Variants in TMEM132D observed in about 807,000 individuals in gnomAD.
TMEM132D encodes transmembrane protein 132D.
In TMEM132D, 21 loss-of-function variants were observed where a neutral mutation model predicts 62.3. The observed-to-expected ratio is 0.34, with a 90% CI of 0.24 to 0.49. The LOEUF is 0.49. Ranked by LOEUF, TMEM132D falls within the 20% of genes least tolerant of loss-of-function variation. The probability of loss-of-function intolerance (pLI) is 0.99; values close to 1 mark genes in which losing one functional copy is unlikely to be tolerated. For missense variants in TMEM132D, 1,346 were observed against 1,402.8 expected (o/e 0.96, Z 0.65); for synonymous variants, 621 against 575.6 (o/e 1.08, Z -1.13).
chr12:129,581,827 G>C (rs1565911535), intron 2 of TMEM132D, among the ~76,000 whole-genome samples: 1 of 152,128 alleles, frequency 6.6e-6, no homozygotes, highest in Admixed American at 6.5e-5. Context: ...AATGACGTTG[G>C]CAATATTAAC....
chr12:129,436,153 G>A (rs769915512), intron 3 of TMEM132D, among the ~76,000 whole-genome samples: 2 of 152,168 alleles, frequency 1.3e-5, no homozygotes, highest in Non-Finnish European at 2.9e-5. Flanking sequence ...AAATCTGGCA[G>A]AGGAAAAAGC....
chr12:129,560,204 C>T (rs1877176292), intron 2 of TMEM132D, among the ~76,000 whole-genome samples: 1 of 152,030 alleles, frequency 6.6e-6, no homozygotes. Context: ...AAACACTTAA[C>T]ATTCAACATG....
chr12:129,209,793 G>T, intron 4 of TMEM132D, 130 bp from the exon 5 acceptor site: 2 of 1,344,388 alleles, frequency 1.5e-6, no homozygotes, highest in Non-Finnish European at 2.0e-6. Flanking sequence ...CAGAAATCCT[G>T]GCAGTCCGCA....
intron 1 of TMEM132D, among the ~76,000 whole-genome samples, chr12:129,749,337 C>A (rs1301374873): frequency 1.3e-5 from 2 of 152,170 alleles, no homozygotes; most frequent in Non-Finnish European, 2.9e-5. Context: ...CACACACACA[C>A]GTGCACAGAG....
At chr12:129,081,610 A>G (rs1179118731) in intron 7 of TMEM132D, 149 bp downstream of exon 7, 11 of 1,222,426 alleles carry the variant, frequency 9.0e-6, no homozygotes, top group East Asian at 2.5e-5. Flanking sequence ...AATCGCTTGT[A>G]TTGCTTACTC....
chr12:129,245,185 C>A (rs1880061814), intron 4 of TMEM132D, among the ~76,000 whole-genome samples: 1 of 152,154 alleles, frequency 6.6e-6, no homozygotes, highest in Non-Finnish European at 1.5e-5. Context: ...AGTCTCACTG[C>A]CGTAAAAATT....
chr12:129,589,288 G>A (rs985501399), intron 2 of TMEM132D, among the ~76,000 whole-genome samples: 9 of 152,156 alleles, frequency 5.9e-5, no homozygotes, highest in Non-Finnish European at 1.3e-4. Context: ...CTCATTCTCC[G>A]TTGTCTGCTA....
intron 2 of TMEM132D, among the ~76,000 whole-genome samples, chr12:129,684,050 C>G (rs188937839): frequency 6.6e-6 from 1 of 152,092 alleles, no homozygotes; most frequent in Non-Finnish European, 1.5e-5. Flanking sequence ...GTGGACATAG[C>G]CAAAGAAGAC....
intron 3 of TMEM132D, among the ~76,000 whole-genome samples, chr12:129,373,557 G>T (rs773070623): frequency 3.3e-5 from 5 of 152,168 alleles, no homozygotes; most frequent in Middle Eastern, 3.4e-3. Context: ...GCGTGAACCC[G>T]GGAGGCGGAG....
At chr12:129,175,137 G>A (rs1304429419) in intron 5 of TMEM132D, among the ~76,000 whole-genome samples, 1 of 152,164 alleles carries the variant, frequency 6.6e-6, no homozygotes, top group Non-Finnish European at 1.5e-5. Context: ...TTTTTGTCAT[G>A]AAGTCTTTGT....
chr12:129,697,813 C>A (rs1026032503), intron 2 of TMEM132D, among the ~76,000 whole-genome samples: 1 of 152,008 alleles, frequency 6.6e-6, no homozygotes, highest in Non-Finnish European at 1.5e-5. Flanking sequence ...TAAAAGCCAC[C>A]CTTGGACCCT....
At chr12:129,482,129 A>C (rs535032889) in intron 3 of TMEM132D, among the ~76,000 whole-genome samples, 15 of 152,336 alleles carry the variant, frequency 9.8e-5, no homozygotes, top group African/African-American at 2.9e-4. Flanking sequence ...GAGCTGTCTC[A>C]GCCAGCCCCC....
At chr12:129,565,594 A>T (rs976047504) in intron 2 of TMEM132D, among the ~76,000 whole-genome samples, 1 of 152,150 alleles carries the variant, frequency 6.6e-6, no homozygotes, top group Non-Finnish European at 1.5e-5. Context: ...GGGGTCATTC[A>T]ATGGGTTGGG....
chr12:129,756,595 G>A (rs1349127224), intron 1 of TMEM132D, among the ~76,000 whole-genome samples: 3 of 152,196 alleles, frequency 2.0e-5, no homozygotes, highest in African/African-American at 7.2e-5. Context: ...TTCTGGAGAT[G>A]GATAAGGGTG....
At chr12:129,550,287 T>A (rs1278969900) in intron 2 of TMEM132D, among the ~76,000 whole-genome samples, 1 of 152,182 alleles carries the variant, frequency 6.6e-6, no homozygotes, top group Non-Finnish European at 1.5e-5. Context: ...AACTTATGGA[T>A]TTTCTAACTT....
intron 1 of TMEM132D, among the ~76,000 whole-genome samples, chr12:129,799,933 A>G (rs1159672196): frequency 6.6e-6 from 1 of 152,138 alleles, no homozygotes. Flanking sequence ...CTTTCTGCCA[A>G]AACTCATCCC....
intron 3 of TMEM132D, among the ~76,000 whole-genome samples, chr12:129,473,748 C>G (rs1403994681): frequency 6.6e-6 from 1 of 152,168 alleles, no homozygotes; most frequent in Non-Finnish European, 1.5e-5. Context: ...GAAAACCACA[C>G]ACAAAAAATT....
rs61942116 is a variant in TMEM132D, at chr12:129,863,601, C to T, written c.79+39660G>A. Among the ~76,000 whole-genome samples the T allele has an allele frequency of 7.0e-3, 1,068 of 152,228 alleles. 7 individuals carry two copies. The highest frequency in any genetic ancestry group is 0.031 in the Middle Eastern group (9 of 294). On this transcript the variant is annotated intron_variant, in intron 1 of 8. Transcript: ENST00000422113. ...AGTAAGCCTTGCTAGTATTACCCTC[C>T]GTATAAAGCTTGTGTCCTAAGGGCT...
chr12:129,170,561 C>T (rs1042810036), intron 5 of TMEM132D, among the ~76,000 whole-genome samples: 1 of 152,150 alleles, frequency 6.6e-6, no homozygotes, highest in African/African-American at 2.4e-5. Flanking sequence ...CATGATGGCT[C>T]ACACCTGTAA....
Sources: allele counts gnomAD v4.1 joint callset (sites outside exome capture counted in the v4.1 genomes callset), GRCh38; gene constraint gnomAD v4.1.1; transcripts MANE v1.5; gene names NCBI Gene and HGNC (gene_info 2026-07-23, HGNC 2026-07-21).